Variants in ST3GAL1 observed in about 807,000 individuals in gnomAD.
The protein encoded by ST3GAL1 is ST3 beta-galactoside alpha-2,3-sialyltransferase 1.
A neutral mutation model predicts 34.1 loss-of-function variants in ST3GAL1; 16 were observed. That is an observed-to-expected ratio of 0.47 (90% CI 0.32 to 0.71). The LOEUF (loss-of-function observed/expected upper bound fraction) is 0.71. Ranked by LOEUF, ST3GAL1 falls within the 30% of genes least tolerant of loss-of-function variation. The pLI is 0.04. For synonymous variants in ST3GAL1, 191 were observed against 184.7 expected, an observed-to-expected ratio of 1.03 and a Z score of -0.28; for missense variants, 353 against 447.4, an observed-to-expected ratio of 0.79 and a Z score of 1.90.
rs199767300 is a variant in ST3GAL1, at chr8:133,475,783, G to A, written c.242C>T (p.Thr81Ile). 2.5e-6 allele frequency: 4 copies of A among 1,613,790 alleles called. No individual in the cohort carries two copies. Among genetic ancestry groups the A allele is most frequent in the East Asian group, 4.5e-5 (2 of 44,846 alleles). The change falls in exon 5 of 10, where the codon ACC becomes ATC. Residue 81 changes from threonine to isoleucine, a missense_variant. Physicochemically the swap from Thr to Ile is moderately conservative, Grantham distance 89. Transcript: ENST00000522652. ...SAWFDERFNQTMQPLLTAQNA... is the reference protein window; with the variant it reads ...SAWFDERFNQIMQPLLTAQNA... ...CTGGGCGGTCAGCAGCGGCTGCATG[G>A]TCTGGTTGAACCTCTCATCGAACCA...
At chr8:133,470,287 T>C (rs1370192094) in intron 5 of ST3GAL1, among the ~76,000 whole-genome samples, 1 of 151,968 alleles carries the variant, frequency 6.6e-6, no homozygotes, top group African/African-American at 2.4e-5. Context: ...GGCGTGATGG[T>C]GCATGCCTGA....
At chr8:133,506,052 A>C (rs899897973) in intron 2 of ST3GAL1, among the ~76,000 whole-genome samples, 3 of 152,232 alleles carry the variant, frequency 2.0e-5, no homozygotes, top group Non-Finnish European at 4.4e-5. Flanking sequence ...GCTCAATTTC[A>C]AGTGCTTAAC....
At chr8:133,518,871 C>A (rs1817719761) in intron 2 of ST3GAL1, among the ~76,000 whole-genome samples, 2 of 152,210 alleles carry the variant, frequency 1.3e-5, no homozygotes, top group Non-Finnish European at 2.9e-5. Flanking sequence ...GTTAAGGCCA[C>A]AGAGCCTGTA....
chr8:133,534,175 C>A (rs1489399814), intron 2 of ST3GAL1, among the ~76,000 whole-genome samples: 1 of 152,142 alleles, frequency 6.6e-6, no homozygotes, highest in African/African-American at 2.4e-5. Context: ...AATCATCTCC[C>A]CAGACCCAAA....
intron 2 of ST3GAL1, among the ~76,000 whole-genome samples, chr8:133,524,840 G>A (rs1454635551): frequency 6.6e-6 from 1 of 152,250 alleles, no homozygotes; most frequent in Non-Finnish European, 1.5e-5. Flanking sequence ...ATCTAGAAAT[G>A]TTCTAGGAGA....
chr8:133,489,689 G>A (rs1319339768), intron 3 of ST3GAL1: 1 of 152,246 alleles, frequency 6.6e-6, no homozygotes, highest in Non-Finnish European at 1.5e-5. Context: ...CAAGCTCCCT[G>A]ATGACAGCAT....
chr8:133,558,978 T>C (rs1819137732), intron 1 of ST3GAL1, among the ~76,000 whole-genome samples: 1 of 151,964 alleles, frequency 6.6e-6, no homozygotes, highest in Admixed American at 6.6e-5. Flanking sequence ...CCCAAAAAGC[T>C]GTGCATATCA....
chr8:133,558,699 A>G (rs547954076), intron 1 of ST3GAL1, among the ~76,000 whole-genome samples: 7 of 152,304 alleles, frequency 4.6e-5, no homozygotes, highest in Admixed American at 1.3e-4. Context: ...GTTCCTGACA[A>G]TGCAGAAGTA....
chr8:133,466,267 G>A lies in ST3GAL1; in HGVS notation c.307-177C>T, dbSNP rs1586586577. Among the ~76,000 whole-genome samples the A allele has an allele frequency of 6.6e-6, 1 of 152,284 alleles. No individual in the cohort carries two copies. Among genetic ancestry groups the A allele is most frequent in the Non-Finnish European group, 1.5e-5 (1 of 68,014 alleles). Reference sequence around the variant, plus strand: ...AGACACCTCCACTTCCTCCTTCAAGGAGACTAAGGGTTACTCAGGAAGTAA... The same window carrying A: ...AGACACCTCCACTTCCTCCTTCAAGAAGACTAAGGGTTACTCAGGAAGTAA... On this transcript the variant is annotated intron_variant, in intron 5 of 9. Coordinates refer to ENST00000522652, the MANE Select transcript of ST3GAL1 (RefSeq NM_173344.3). This position sits in a 1 kb window ranked among gnomAD's most constrained non-coding sequence, Gnocchi z 4.4.
At chr8:133,476,706 G>A (rs1336768837) in intron 3 of ST3GAL1, 106 bp from the exon 4 acceptor site, 1 of 152,250 alleles carries the variant, frequency 6.6e-6, no homozygotes, top group Non-Finnish European at 1.5e-5. Flanking sequence ...TCTTCCTTCT[G>A]GTGTCATGCC....
chr8:133,554,784 T>C (rs1199422929), intron 1 of ST3GAL1, among the ~76,000 whole-genome samples: 3 of 150,382 alleles, frequency 2.0e-5, no homozygotes, highest in African/African-American at 4.9e-5. Context: ...TGGAGTGCAG[T>C]GGCGCGATCT....
chr8:133,564,325 C>T (rs2131114698), intron 1 of ST3GAL1, among the ~76,000 whole-genome samples: 1 of 152,300 alleles, frequency 6.6e-6, no homozygotes, highest in African/African-American at 2.4e-5. Flanking sequence ...AATGAGTACA[C>T]ACTTTGTTGC....
In ST3GAL1 at chr8:133,465,316, G is replaced by A. The variant is rs1815693539; in HGVS notation, c.504-359C>T. 2.6e-5 allele frequency among the ~76,000 whole-genome samples: 4 copies of A among 152,116 alleles called. No homozygotes were observed. In the South Asian group the frequency reaches 8.3e-4, roughly 32 times the overall value. Reference sequence around the variant, plus strand: ...CACCTGGTACACTGAGGCTCTGAGAGGCAGGTAAGTGGTCTAAGGACTAAA... The same window carrying A: ...CACCTGGTACACTGAGGCTCTGAGAAGCAGGTAAGTGGTCTAAGGACTAAA... On this transcript the variant is annotated intron_variant, in intron 6 of 9. Transcript: ENST00000522652.
intron 2 of ST3GAL1, among the ~76,000 whole-genome samples, chr8:133,512,891 A>G (rs1817533738): frequency 6.6e-6 from 1 of 152,228 alleles, no homozygotes; most frequent in Non-Finnish European, 1.5e-5. Flanking sequence ...AGGGTAGAGG[A>G]GCTAAGAGTA....
At chr8:133,516,133 G>A (rs1466824796) in intron 2 of ST3GAL1, 4 of 152,234 alleles carry the variant, frequency 2.6e-5, no homozygotes, top group Non-Finnish European at 4.4e-5. Context: ...TGGGATTATA[G>A]GCATGAGCCA....
intron 1 of ST3GAL1, among the ~76,000 whole-genome samples, chr8:133,562,092 TA>T (rs777008720): frequency 4.8e-5 from 7 of 146,118 alleles, no homozygotes; most frequent in Admixed American, 2.7e-4. Flanking sequence ...AAAATAAAAA[TA>T]AAAAAAAAGA....
intron 3 of ST3GAL1, among the ~76,000 whole-genome samples, chr8:133,494,011 A>AGT (rs925724154): frequency 1.3e-5 from 2 of 152,070 alleles, no homozygotes; most frequent in East Asian, 1.9e-4. Flanking sequence ...AGCATGTCTG[A>AGT]GTGTGTGTGT....
intron 2 of ST3GAL1, among the ~76,000 whole-genome samples, chr8:133,541,484 C>T (rs901664215): frequency 6.6e-6 from 1 of 152,118 alleles, no homozygotes; most frequent in Non-Finnish European, 1.5e-5. Context: ...GAAACTCTCA[C>T]TCCCACATGC....
intron 3 of ST3GAL1, among the ~76,000 whole-genome samples, chr8:133,494,433 C>T (rs1816878949): frequency 6.6e-6 from 1 of 152,224 alleles, no homozygotes; most frequent in Admixed American, 6.5e-5. Context: ...TACAACACTC[C>T]TGACCCAGGA....
Sources: gnomAD v4.1 joint callset for allele counts (sites outside exome capture counted in the v4.1 genomes callset) on GRCh38, gnomAD v4.1.1 for gene constraint, Gnocchi (gnomAD v3.1) non-coding constraint, MANE v1.5 for transcripts, NCBI Gene and HGNC (gene_info 2026-07-23, HGNC 2026-07-21) for gene names.